DIP2C: variants seen among roughly 807,000 people sequenced by gnomAD.
DIP2C encodes disco-interacting protein 2 homolog C.
Under a neutral mutation model 192.4 loss-of-function variants are expected in DIP2C, and 33 were observed. The observed-to-expected ratio is 0.17, with a 90% confidence interval of 0.13 to 0.23. DIP2C has a LOEUF of 0.23. DIP2C is among the 10% of genes least tolerant of loss of function. The pLI, the probability that DIP2C is intolerant of heterozygous loss-of-function variation, is 1.00. For synonymous variants in DIP2C, 979 were observed against 864.1 expected (o/e 1.13, Z -2.33); for missense variants, 1,537 against 2,110.1 (o/e 0.73, Z 5.32).
At chr10:542,398 A>C (rs988277539) in intron 1 of DIP2C, among the ~76,000 whole-genome samples, 1 of 152,168 alleles carries the variant, frequency 6.6e-6, no homozygotes, top group East Asian at 1.9e-4. Context: ...CAGTGCTGCT[A>C]CTTCCAACAC....
chr10:542,011 T>A (rs771996900), intron 1 of DIP2C, among the ~76,000 whole-genome samples: 4 of 152,188 alleles, frequency 2.6e-5, no homozygotes, highest in African/African-American at 9.7e-5. Flanking sequence ...AGTGCACACG[T>A]TGGTCTCCTG....
intron 17 of DIP2C, among the ~76,000 whole-genome samples, chr10:376,447 G>A (rs999032007): frequency 2.0e-5 from 3 of 149,696 alleles, no homozygotes; most frequent in Non-Finnish European, 4.4e-5. Flanking sequence ...TTGGGAACAC[G>A]CATTCCGGTT....
chr10:376,639 C>T lies in DIP2C; in HGVS notation c.1991+6008G>A, dbSNP rs529361115. On this transcript the variant is annotated intron_variant, in intron 17 of 36. Coordinates refer to ENST00000280886, the MANE Select transcript of DIP2C (RefSeq NM_014974.3). Reference sequence around the variant, plus strand: ...ACCAAAGGTTTCTCTTTTAGATGGACGTAAATCAGCCCTGATGAAGGTGCC... The same window carrying T: ...ACCAAAGGTTTCTCTTTTAGATGGATGTAAATCAGCCCTGATGAAGGTGCC... Among the ~76,000 whole-genome samples the T allele has an allele frequency of 1.1e-4, 17 of 150,812 alleles. No individual in the cohort carries two copies. In the East Asian group the frequency reaches 2.5e-3, roughly 23 times the overall value.
chr10:522,403 T>G (rs1274389951), intron 1 of DIP2C, among the ~76,000 whole-genome samples: 1 of 152,270 alleles, frequency 6.6e-6, no homozygotes, highest in African/African-American at 2.4e-5. Flanking sequence ...GATTTCCGCA[T>G]GGAAGTAAAC....
chr10:455,034 C>T (rs1035978454), intron 3 of DIP2C, among the ~76,000 whole-genome samples: 1 of 152,200 alleles, frequency 6.6e-6, no homozygotes, highest in Admixed American at 6.5e-5. Flanking sequence ...AGCACACACA[C>T]AGCCTGGGGC....
chr10:445,033 C>T (rs988828561), intron 3 of DIP2C, among the ~76,000 whole-genome samples: 7 of 152,236 alleles, frequency 4.6e-5, no homozygotes, highest in Non-Finnish European at 1.0e-4. Context: ...TTTAAGTCTC[C>T]ATCAGTCTGA....
chr10:615,071 C>A (rs760342920), intron 1 of DIP2C, among the ~76,000 whole-genome samples: 1 of 152,238 alleles, frequency 6.6e-6, no homozygotes, highest in South Asian at 2.1e-4. Context: ...ACAGGCAGCG[C>A]TGTCCCAAGC....
intron 1 of DIP2C, among the ~76,000 whole-genome samples, chr10:511,623 G>A (rs968651801): frequency 3.4e-5 from 3 of 87,248 alleles, no homozygotes; most frequent in South Asian, 1.1e-3. Context: ...GGTGGATCCC[G>A]ACACTGACCC....
At chr10:419,346 C>T in intron 5 of DIP2C, 147 bp from the exon 6 acceptor site, 1 of 1,109,826 alleles carries the variant, frequency 9.0e-7, no homozygotes, top group Non-Finnish European at 1.3e-6. Flanking sequence ...GCCGCATCTG[C>T]CACACACATC....
intron 1 of DIP2C, among the ~76,000 whole-genome samples, chr10:500,137 A>G (rs1329192382): frequency 1.3e-5 from 2 of 152,170 alleles, no homozygotes; most frequent in African/African-American, 4.8e-5. Context: ...GCCCTCCCCT[A>G]CATCTGTACC....
intron 31 of DIP2C, among the ~76,000 whole-genome samples, chr10:317,678 T>A (rs1956834573): frequency 6.6e-6 from 1 of 152,156 alleles, no homozygotes; most frequent in South Asian, 2.1e-4. Flanking sequence ...GTTACACCCC[T>A]CAGACCCTCA....
At chr10:520,563 C>CTT (rs895416230) in intron 1 of DIP2C, among the ~76,000 whole-genome samples, 1 of 152,184 alleles carries the variant, frequency 6.6e-6, no homozygotes, top group Non-Finnish European at 1.5e-5. Flanking sequence ...AACATGAACC[C>CTT]TTTCTCACTC....
intron 1 of DIP2C, among the ~76,000 whole-genome samples, chr10:607,718 C>T (rs1588584060): frequency 6.6e-6 from 1 of 152,282 alleles, no homozygotes; most frequent in South Asian, 2.1e-4. Context: ...CAAGTGTAAA[C>T]ATTGTGAGCC....
chr10:536,043 TG>T lies in DIP2C; in HGVS notation c.86-49514del, dbSNP rs1847674553. On this transcript the variant is annotated intron_variant, in intron 1 of 36. Coordinates refer to ENST00000280886, the MANE Select transcript of DIP2C (RefSeq NM_014974.3). Reference sequence around the variant, plus strand: ...GGTTTCCATAACAAATGTCCCAGATTGGGCAGCTTCAACAATATAAATTGAT... The same window carrying T: ...GGTTTCCATAACAAATGTCCCAGATTGGCAGCTTCAACAATATAAATTGAT... 2.6e-5 allele frequency among the ~76,000 whole-genome samples: 4 copies of T among 152,330 alleles called. 1 individual carries two copies. In the South Asian group the frequency reaches 8.3e-4, roughly 32 times the overall value.
At chr10:320,852 G>C (rs1198497158) in intron 31 of DIP2C, among the ~76,000 whole-genome samples, 1 of 152,218 alleles carries the variant, frequency 6.6e-6, no homozygotes, top group Non-Finnish European at 1.5e-5. Context: ...TTAAAAAGCA[G>C]CTGGAAAGTG....
At chr10:331,905 A>G (rs1218744426) in intron 29 of DIP2C, among the ~76,000 whole-genome samples, 1 of 151,064 alleles carries the variant, frequency 6.6e-6, no homozygotes, top group East Asian at 1.9e-4. Context: ...GTAACATAAC[A>G]TTTACCATAT....
chr10:413,908 A>G lies in DIP2C; in HGVS notation c.1057+5T>C, dbSNP rs752581439. The stretch of plus-strand genomic sequence containing the variant: ...CAAAGGGCAGAGAGTGAGCCTGGGG[A>G]TTACCGTAAGTGAGGATGTAGAGGG... On this transcript the variant is annotated splice_donor_5th_base_variant and intron_variant, in intron 8 of 36. Coordinates refer to ENST00000280886, the MANE Select transcript of DIP2C (RefSeq NM_014974.3). 1.2e-6 allele frequency: 2 copies of G among 1,612,918 alleles called. No homozygotes were observed. Among genetic ancestry groups the G allele is most frequent in the Non-Finnish European group, 1.7e-6 (2 of 1,179,386 alleles).
At chr10:407,334 A>G (rs1455503487) in intron 9 of DIP2C, among the ~76,000 whole-genome samples, 1 of 152,154 alleles carries the variant, frequency 6.6e-6, no homozygotes, top group Non-Finnish European at 1.5e-5. Flanking sequence ...ATCCACATCT[A>G]GTCCGTGGAT....
chr10:384,270 CCTTTTTT>C (rs1331424140), intron 15 of DIP2C, 124 bp from the exon 16 acceptor site: 5 of 535,760 alleles, frequency 9.3e-6, no homozygotes, highest in South Asian at 2.5e-5. Flanking sequence ...CCCCCACAAA[CCTTTTTT>C]TTTTTTTTTT....
Sources: gnomAD v4.1 joint callset for allele counts (sites outside exome capture counted in the v4.1 genomes callset) on GRCh38, gnomAD v4.1.1 for gene constraint, MANE v1.5 for transcripts, NCBI Gene and HGNC (gene_info 2026-07-23, HGNC 2026-07-21) for gene names.